The following POU6F2 variants were observed in gnomAD, a reference collection of about 807,000 sequenced individuals.
The protein encoded by POU6F2 is POU class 6 homeobox 2.
A neutral mutation model predicts 71.3 loss-of-function variants in POU6F2; 31 were observed. The observed-to-expected ratio is 0.43, with a 90% confidence interval of 0.33 to 0.59. POU6F2 has a LOEUF of 0.59. Among genes scored for constraint, POU6F2 ranks in the 20% least tolerant of loss-of-function variants. The pLI, the probability that POU6F2 is intolerant of heterozygous loss-of-function variation, is 0.04. For synonymous variants in POU6F2, 347 were observed against 355.7 expected, an observed-to-expected ratio of 0.98 and a Z score of 0.27; for missense variants, 783 against 856.8, an observed-to-expected ratio of 0.91 and a Z score of 1.07.
intron 1 of POU6F2, among the ~76,000 whole-genome samples, chr7:39,071,377 T>C (rs987742288): frequency 6.6e-6 from 1 of 151,738 alleles, no homozygotes; most frequent in Non-Finnish European, 1.5e-5. Flanking sequence ...ACAGATGAAG[T>C]TTCACTTGCT....
At position 39,460,632 on chromosome 7, in the gene POU6F2, G is replaced by T; in HGVS notation, c.1575G>T (p.Leu525=). 6.2e-7 allele frequency: 1 copy of T among 1,610,304 alleles called. No homozygotes were observed. Among genetic ancestry groups the T allele is most frequent in the African/African-American group, 1.3e-5 (1 of 74,982 alleles). ...CCAAAGCTTTTAAAATCCGGCGCCT[G>T]TCCCTTGGCCTGACCCAGACTCAGG... The part of the protein sequence containing the change: ...EFAKAFKIRR[L]SLGLTQTQVG... Residue 525 remains leucine, a synonymous_variant, in exon 9 of 10, where the codon CTG becomes CTT. Coordinates refer to ENST00000518318, the MANE Select transcript of POU6F2 (RefSeq NM_001370959.1). This position sits in a 1 kb window ranked among gnomAD's most constrained non-coding sequence, Gnocchi z 4.4.
At chr7:39,204,096 T>C (rs1228390524) in intron 2 of POU6F2, 139 bp from the exon 3 acceptor site, 5 of 728,674 alleles carry the variant, frequency 6.9e-6, no homozygotes, top group East Asian at 2.7e-5. Context: ...CTCATCATTA[T>C]GTATGCAGTT....
In POU6F2 at chr7:39,339,770, C is replaced by G; in HGVS notation, c.727C>G (p.Gln243Glu). 6.3e-7 allele frequency: 1 copy of G among 1,583,406 alleles called. No individual in the cohort carries two copies. Among genetic ancestry groups the G allele is most frequent in the Non-Finnish European group, 8.6e-7 (1 of 1,165,218 alleles). Reference sequence around the variant, plus strand: ...GCAACCAGCCCCACAGGCGCCCTCGCAGTCCCAGCAGCAGCCGCTGCAGCC... The same window carrying G: ...GCAACCAGCCCCACAGGCGCCCTCGGAGTCCCAGCAGCAGCCGCTGCAGCC... ...HPQPAPQAPSQSQQQPLQPTP... is the reference protein window; with the variant it reads ...HPQPAPQAPSESQQQPLQPTP... The change falls in exon 5 of 10, where the codon CAG becomes GAG. Residue 243 changes from glutamine (Q) to glutamate (E), a missense_variant. Gln to Glu is a conservative substitution (Grantham distance 29). Around this residue, in one of 2 missense-constraint regions of POU6F2, gnomAD observed 572 missense variants for 572.9 expected, o/e 1.00. Coordinates refer to ENST00000518318, the MANE Select transcript of POU6F2 (RefSeq NM_001370959.1).
chr7:39,046,265 G>A (rs1208994493), intron 1 of POU6F2, among the ~76,000 whole-genome samples: 6 of 151,840 alleles, frequency 4.0e-5, no homozygotes, highest in Non-Finnish European at 7.4e-5. Flanking sequence ...TTTGGCGAAA[G>A]TATATTTAAA....
intron 4 of POU6F2, among the ~76,000 whole-genome samples, chr7:39,284,987 C>T (rs1784626760): frequency 6.6e-6 from 1 of 152,196 alleles, no homozygotes; most frequent in Non-Finnish European, 1.5e-5. Context: ...GGACCTGGGT[C>T]AGCCATGGGG....
chr7:39,299,994 A>G (rs145920987), intron 4 of POU6F2, among the ~76,000 whole-genome samples: 1 of 152,170 alleles, frequency 6.6e-6, no homozygotes, highest in African/African-American at 2.4e-5. Context: ...TGTTTCCAGC[A>G]GTCCCAGTTA....
chr7:38,993,133 G>A (rs1329933699), intron 1 of POU6F2, among the ~76,000 whole-genome samples: 1 of 152,074 alleles, frequency 6.6e-6, no homozygotes, highest in East Asian at 1.9e-4. Context: ...ATAAAGATAA[G>A]CAAATAGTAA....
At chr7:39,317,343 G>A (rs1427747783) in intron 4 of POU6F2, among the ~76,000 whole-genome samples, 2 of 152,186 alleles carry the variant, frequency 1.3e-5, no homozygotes, top group South Asian at 2.1e-4. Context: ...AGGGAGCTGT[G>A]TCCTTTCTAA....
At chr7:39,326,480 C>G (rs989710619) in intron 4 of POU6F2, among the ~76,000 whole-genome samples, 1 of 152,328 alleles carries the variant, frequency 6.6e-6, no homozygotes, top group East Asian at 1.9e-4. Context: ...ATCAATGTTT[C>G]CATAAACAGT....
chr7:39,464,969 T>G lies in POU6F2; in HGVS notation c.*283T>G. 2.8e-6 allele frequency: 1 copy of G among 357,162 alleles called. No homozygotes were observed. The highest frequency in any genetic ancestry group is 5.0e-6 in the Non-Finnish European group (1 of 199,556). The allele number at this position is 357,162 out of a possible 1,614,324, so 22.1% of individuals were successfully genotyped here. A position where few individuals can be genotyped will look rare whatever the true frequency, so the allele number is the denominator to read the frequency against. ...GGTAGGATAGTTCCCTTCCCCCACC[T>G]GTCTCCCCCAAAGCCAGTTTTTTAA... On this transcript the variant is annotated 3_prime_UTR_variant, in exon 10 of 10. Transcript: ENST00000518318. The surrounding 1 kb of genome is among the most constrained non-coding windows in gnomAD (Gnocchi z 4.1).
Position 39,015,758 on chromosome 7 carries a change from TAG to T in POU6F2, c.105+37702_105+37703del, listed in dbSNP as rs1562670495. ...ATAGATATATATTATATATTATATATAGATATATTATATATATTATATATGGT... is the reference window on the plus strand; with the variant it reads ...ATAGATATATATTATATATTATATATATATATTATATATATTATATATGGT... On this transcript the variant is annotated intron_variant, in intron 1 of 9. Transcript: ENST00000518318. 3.9e-3 allele frequency among the ~76,000 whole-genome samples: 374 copies of T among 95,710 alleles called. 5 individuals are homozygous for T. Among genetic ancestry groups the T allele is most frequent in the African/African-American group, 0.017 (364 of 21,548 alleles). 62.8% of individuals were successfully genotyped at this position (95,710 alleles called of 152,430 possible).
chr7:39,158,617 T>C (rs560752916), intron 2 of POU6F2, among the ~76,000 whole-genome samples: 1 of 152,216 alleles, frequency 6.6e-6, no homozygotes, highest in African/African-American at 2.4e-5. Flanking sequence ...CCAGAGAACC[T>C]GAAGTTCTCA....
At chr7:39,447,364 C>T (rs1788549736) in intron 7 of POU6F2, among the ~76,000 whole-genome samples, 1 of 152,138 alleles carries the variant, frequency 6.6e-6, no homozygotes, top group Admixed American at 6.5e-5. Flanking sequence ...CTGCTGTTTC[C>T]CTGACCTGTA....
In POU6F2 at chr7:39,452,959, G is replaced by A. The variant is rs527772584; in HGVS notation, c.1489+1258G>A. ...ATACAAAAATTAGCCGGGCGTGGTG[G>A]CATGTGCCTGTAATCCCAGCTACTC... On this transcript the variant is annotated intron_variant, in intron 8 of 9. Transcript: ENST00000518318. Among the ~76,000 whole-genome samples the A allele has an allele frequency of 2.6e-4, 39 of 152,310 alleles. 1 individual carries two copies. Among genetic ancestry groups the A allele is most frequent in the Admixed American group, 2.4e-3 (36 of 15,290 alleles).
intron 1 of POU6F2, among the ~76,000 whole-genome samples, chr7:39,008,463 T>C (rs1451445791): frequency 6.7e-6 from 1 of 150,150 alleles, no homozygotes; most frequent in African/African-American, 2.4e-5. Flanking sequence ...TTTCTCCCAT[T>C]TTGTAGGTTG....
At chr7:39,263,509 C>T (rs560937620) in intron 4 of POU6F2, among the ~76,000 whole-genome samples, 1 of 152,310 alleles carries the variant, frequency 6.6e-6, no homozygotes, top group South Asian at 2.1e-4. Context: ...TTAAGATACA[C>T]ACGGTTGTAT....
chr7:39,049,521 C>T (rs1790363034), intron 1 of POU6F2, among the ~76,000 whole-genome samples: 1 of 151,964 alleles, frequency 6.6e-6, no homozygotes, highest in East Asian at 1.9e-4. Flanking sequence ...AGTCATAGAA[C>T]ACACTTTATA....
chr7:39,260,800 A>G (rs757723218), intron 4 of POU6F2, among the ~76,000 whole-genome samples: 4 of 151,908 alleles, frequency 2.6e-5, no homozygotes, highest in Non-Finnish European at 4.4e-5. Flanking sequence ...ACACACATAT[A>G]TGACATACAT....
intron 5 of POU6F2, among the ~76,000 whole-genome samples, chr7:39,383,501 A>G (rs900291762): frequency 6.6e-6 from 1 of 152,206 alleles, no homozygotes; most frequent in African/African-American, 2.4e-5. Context: ...AAGACCCCCA[A>G]TTAGATCAAT....
Sources: allele counts gnomAD v4.1 joint callset (sites outside exome capture counted in the v4.1 genomes callset), GRCh38; gene constraint gnomAD v4.1.1; regional missense constraint gnomAD v4.1.1; non-coding constraint Gnocchi (gnomAD v3.1); transcripts MANE v1.5; gene names NCBI Gene and HGNC (gene_info 2026-07-23, HGNC 2026-07-21).